Variants in ARHGAP31 observed in about 807,000 individuals in gnomAD.
ARHGAP31 encodes the protein Rho GTPase activating protein 31, also known as rho GTPase-activating protein 31.
In ARHGAP31, 34 loss-of-function variants were observed where a neutral mutation model predicts 113.9. The ratio of observed to expected loss-of-function variants is 0.30; its 90% CI spans 0.23 to 0.40. ARHGAP31 has a LOEUF of 0.40. Ranked by LOEUF, ARHGAP31 falls within the 10% of genes least tolerant of loss-of-function variation. The pLI is 1.00. For missense variants in ARHGAP31, 1,548 were observed against 1,767.1 expected (o/e 0.88, Z 2.22); for synonymous variants, 650 against 684.8 (o/e 0.95, Z 0.79).
rs2080743795 is a variant in ARHGAP31 at position 119,414,068 on chromosome 3, C to T, written c.2139C>T (p.Thr713=). Residue 713 remains threonine, a synonymous_variant, in exon 12 of 12, where the codon ACC becomes ACT. Coordinates refer to ENST00000264245, the MANE Select transcript of ARHGAP31 (RefSeq NM_020754.4). Reference sequence around the variant, plus strand: ...GCTCCTTCCCTGCTCCAGTCTCCACCCCTCTGGAGGTGTGGACTAGGGATC... The same window carrying T: ...GCTCCTTCCCTGCTCCAGTCTCCACTCCTCTGGAGGTGTGGACTAGGGATC... ...PCGSFPAPVS[T]PLEVWTRDPA... is the part of the protein sequence containing the mutation. 1 of 1,614,026 alleles carries T rather than the reference C, an allele frequency of 6.2e-7. No homozygotes were observed. Among genetic ancestry groups the T allele is most frequent in the South Asian group, 1.1e-5 (1 of 91,082 alleles).
At chr3:119,325,522 T>C (rs9847963) in intron 1 of ARHGAP31, among the ~76,000 whole-genome samples, 59,542 of 151,880 alleles carry the variant, frequency 0.39, 11,875 homozygotes, top group Non-Finnish European at 0.41. Context: ...ACTCACACTG[T>C]TGCAGTCCTG....
rs1369048822 is a variant in ARHGAP31, at chr3:119,414,727, G to A, written c.2798G>A (p.Gly933Asp). ...LKDAHKAQVQ[G>D]LQGHQLEKRL... is the part of the protein sequence containing the mutation. ...GACGCGCACAAGGCCCAGGTACAGG[G>A]CCTTCAGGGTCACCAGTTGGAGAAG... is the stretch of plus-strand genomic sequence containing the variant. The change falls in exon 12 of 12, where the codon GGC (glycine) becomes GAC (aspartate). Residue 933 changes from glycine to aspartate, a missense_variant. Gly to Asp is a moderately conservative substitution (Grantham distance 94). Coordinates refer to ENST00000264245, the MANE Select transcript of ARHGAP31 (RefSeq NM_020754.4). The A allele has an allele frequency of 6.2e-7, 1 of 1,614,200 alleles. No homozygotes were observed. Among genetic ancestry groups the A allele is most frequent in the Admixed American group, 1.7e-5 (1 of 60,024 alleles).
At chr3:119,371,127 T>C (rs2080293610) in intron 3 of ARHGAP31, among the ~76,000 whole-genome samples, 2 of 152,246 alleles carry the variant, frequency 1.3e-5, no homozygotes, top group Admixed American at 1.3e-4. Flanking sequence ...TCTTTGAATA[T>C]GATAGAATGG....
At chr3:119,334,278 C>T (rs2079922346) in intron 1 of ARHGAP31, among the ~76,000 whole-genome samples, 1 of 152,182 alleles carries the variant, frequency 6.6e-6, no homozygotes, top group African/African-American at 2.4e-5. Flanking sequence ...GGCCTGGCTC[C>T]TTGGCAGGGC....
At chr3:119,393,652 A>G in intron 8 of ARHGAP31, 61 bp downstream of exon 8, 1 of 1,600,656 alleles carries the variant, frequency 6.2e-7, no homozygotes, top group Non-Finnish European at 8.6e-7. Context: ...CTGCTTATTA[A>G]GTCTTTGGTT....
At chr3:119,393,694 G>A in intron 8 of ARHGAP31, 103 bp downstream of exon 8, 1 of 1,470,938 alleles carries the variant, frequency 6.8e-7, no homozygotes, top group Non-Finnish European at 9.4e-7. Flanking sequence ...CTCTGAAAGA[G>A]AAACTTATAA....
intron 1 of ARHGAP31, among the ~76,000 whole-genome samples, chr3:119,337,484 A>T (rs918583341): frequency 1.3e-5 from 2 of 152,198 alleles, no homozygotes; most frequent in African/African-American, 2.4e-5. Flanking sequence ...GCAAAAGAAC[A>T]AAGCTTCCAC....
At position 119,387,498 on chromosome 3, in the gene ARHGAP31, G is replaced by A. The variant is rs188590763; in HGVS notation, c.683-3287G>A. On this transcript the variant is annotated intron_variant, in intron 6 of 11. Transcript: ENST00000264245. ...ATATTTTATTATACTGGAACAGCTCGTGTCCTCTGTCTCTTGCCTCGGTGC... is the reference window on the plus strand; with the variant it reads ...ATATTTTATTATACTGGAACAGCTCATGTCCTCTGTCTCTTGCCTCGGTGC... Among the ~76,000 whole-genome samples the A allele has an allele frequency of 2.1e-3, 319 of 152,238 alleles. 1 individual carries two copies. The highest frequency in any genetic ancestry group is 7.0e-3 in the African/African-American group (291 of 41,536).
At chr3:119,362,124 A>G (rs1177938240) in intron 1 of ARHGAP31, among the ~76,000 whole-genome samples, 2 of 152,216 alleles carry the variant, frequency 1.3e-5, no homozygotes, top group Non-Finnish European at 2.9e-5. Flanking sequence ...AACGGGCTGG[A>G]ACAGGTTGGT....
At chr3:119,413,413 G>A (rs921764844) in intron 11 of ARHGAP31, among the ~76,000 whole-genome samples, 7 of 151,964 alleles carry the variant, frequency 4.6e-5, no homozygotes, top group African/African-American at 7.3e-5. Context: ...TCCACTGGAA[G>A]ACTCTCATTC....
rs1242165046 is a variant in ARHGAP31, at chr3:119,417,663, TG to T, written c.*1400del. 6 of 151,964 alleles carry T rather than the reference TG, an allele frequency of 3.9e-5. No homozygotes were observed. Among genetic ancestry groups the T allele is most frequent in the African/African-American group, 1.5e-4 (6 of 41,368 alleles). 9.4% of individuals were successfully genotyped at this position (151,964 alleles called of 1,614,324 possible). A position where few individuals can be genotyped will look rare whatever the true frequency, so the allele number is the denominator to read the frequency against. On this transcript the variant is annotated 3_prime_UTR_variant, in exon 12 of 12. Transcript: ENST00000264245. ...CCCACTCCAGGCACTCACTCAAACT[TG>T]CTCTTCAACTCTGTATACAAGCAGA...
At position 119,418,924 on chromosome 3, in the gene ARHGAP31, T is replaced by A; in HGVS notation, c.*2660T>A. 1 of 152,238 alleles carries A rather than the reference T, an allele frequency of 6.6e-6. No homozygotes were observed. Among genetic ancestry groups the A allele is most frequent in the South Asian group, 2.1e-4 (1 of 4,826 alleles). The allele number at this position is 152,238 out of a possible 1,614,324, so 9.4% of individuals were successfully genotyped here. ...CCAGCCTGCCAGCCATCACAAAGGC[T>A]TTCATAAACTTCCTGTGGTCTGGGC... On this transcript the variant is annotated 3_prime_UTR_variant, in exon 12 of 12. Transcript: ENST00000264245.
rs1379041117 is a variant in ARHGAP31, at chr3:119,419,814, AAGTGGCAACTAGGCTAGAAT to A, written c.*3564_*3583del. 6.6e-6 allele frequency: 1 copy of A among 152,214 alleles called. No individual in the cohort carries two copies. Among genetic ancestry groups the A allele is most frequent in the East Asian group, 1.9e-4 (1 of 5,192 alleles). 9.4% of individuals were successfully genotyped at this position (152,214 alleles called of 1,614,324 possible). On this transcript the variant is annotated 3_prime_UTR_variant, in exon 12 of 12. Transcript: ENST00000264245. ...ACTTTGCTTGATTTAGAAAACTGGA[AAGTGGCAACTAGGCTAGAAT>A]AGTGGCAACTAGGTTCGGAGGTTTC...
intron 1 of ARHGAP31, among the ~76,000 whole-genome samples, chr3:119,346,149 CT>C (rs1203950675): frequency 6.6e-6 from 1 of 152,214 alleles, no homozygotes; most frequent in Non-Finnish European, 1.5e-5. Flanking sequence ...ACCAGGGGCC[CT>C]AGCCTGAGGC....
At chr3:119,301,285 GGCT>G (rs2079582566) in intron 1 of ARHGAP31, among the ~76,000 whole-genome samples, 1 of 152,196 alleles carries the variant, frequency 6.6e-6, no homozygotes, top group Admixed American at 6.5e-5. Context: ...CAGGCTTTGG[GGCT>G]GCTAAGGAAG....
chr3:119,382,190 T>C, intron 4 of ARHGAP31, 102 bp from the exon 5 acceptor site: 3 of 1,110,688 alleles, frequency 2.7e-6, no homozygotes, highest in Admixed American at 1.7e-5. Context: ...AAAATAGAAA[T>C]ATTTAGAGTC....
At chr3:119,357,846 A>G (rs1299937671) in intron 1 of ARHGAP31, among the ~76,000 whole-genome samples, 1 of 152,246 alleles carries the variant, frequency 6.6e-6, no homozygotes, top group African/African-American at 2.4e-5. Flanking sequence ...GTTCTCATCT[A>G]TAACAATAAG....
intron 6 of ARHGAP31, among the ~76,000 whole-genome samples, chr3:119,385,329 T>C (rs2080439810): frequency 6.6e-6 from 1 of 152,230 alleles, no homozygotes; most frequent in African/African-American, 2.4e-5. Context: ...TTCAGTTGTA[T>C]AGATATACCA....
At chr3:119,349,287 T>C (rs1179525942) in intron 1 of ARHGAP31, among the ~76,000 whole-genome samples, 1 of 152,106 alleles carries the variant, frequency 6.6e-6, no homozygotes, top group Non-Finnish European at 1.5e-5. Context: ...TCATAGAAAT[T>C]CAGATATCTT....
Sources: gnomAD v4.1 joint callset for allele counts (sites outside exome capture counted in the v4.1 genomes callset) on GRCh38, gnomAD v4.1.1 for gene constraint, MANE v1.5 for transcripts, NCBI Gene and HGNC (gene_info 2026-07-23, HGNC 2026-07-21) for gene names.